ESYT1: variants seen among roughly 807,000 people sequenced by gnomAD.
ESYT1 encodes the protein extended synaptotagmin-1.
In ESYT1, 116 loss-of-function variants were observed where a neutral mutation model predicts 154.2. The observed-to-expected ratio is 0.75, with a 90% CI of 0.65 to 0.88. The LOEUF (loss-of-function observed/expected upper bound fraction) is 0.88. Ranked by LOEUF, ESYT1 falls within the 40% of genes least tolerant of loss-of-function variation. The pLI is 0.00. For missense variants in ESYT1, 1,264 were observed against 1,379.3 expected, an observed-to-expected ratio of 0.92 and a Z score of 1.32; for synonymous variants, 500 against 539.9, an observed-to-expected ratio of 0.93 and a Z score of 1.02.
chr12:56,139,062 A>C (rs770417140), intron 24 of ESYT1, 49 bp downstream of exon 24: 1 of 1,445,124 alleles, frequency 6.9e-7, no homozygotes, highest in East Asian at 2.3e-5. Flanking sequence ...TGCCATGGCC[A>C]GGCAGGAAAC....
chr12:56,140,410 G>A (rs991132877), intron 24 of ESYT1, among the ~76,000 whole-genome samples: 1 of 152,136 alleles, frequency 6.6e-6, no homozygotes, highest in East Asian at 1.9e-4. Context: ...CTGTTGCCCA[G>A]GCTGGAGTAC....
intron 7 of ESYT1, 92 bp downstream of exon 7, chr12:56,131,896 CT>C: frequency 7.7e-7 from 1 of 1,290,864 alleles, no homozygotes; most frequent in South Asian, 1.2e-5. Context: ...TGCTTGTGTC[CT>C]CTAGGAGCCT....
chr12:56,142,516 C>G lies in ESYT1; in HGVS notation c.2734-62C>G. On this transcript the variant is annotated intron_variant, in intron 25 of 30. Coordinates refer to ENST00000394048, the MANE Select transcript of ESYT1 (RefSeq NM_015292.3). The surrounding 1 kb of genome is among the most constrained non-coding windows in gnomAD (Gnocchi z 4.1). ...ACCCAGGAGGGTGGGAACAGAGGGC[C>G]GTGTCCTTAGAGTGAGGGAACTGAG... 6.2e-7 allele frequency: 1 copy of G among 1,611,324 alleles called. No homozygotes were observed.
At position 56,141,734 on chromosome 12, in the gene ESYT1, C is replaced by A. The variant is rs564681373; in HGVS notation, c.2593-551C>A. Among the ~76,000 whole-genome samples, 7 of 151,296 alleles carry A rather than the reference C, an allele frequency of 4.6e-5. No individual in the cohort carries two copies. In the East Asian group the frequency reaches 9.7e-4, roughly 21 times the overall value. On this transcript the variant is annotated intron_variant, in intron 24 of 30. Coordinates refer to ENST00000394048, the MANE Select transcript of ESYT1 (RefSeq NM_015292.3). ...CAGCCTGGGCAACAGAGCGAGACTC[C>A]GTCTCAAAAATAATAATAATAATTT...
Position 56,134,033 on chromosome 12 carries a change from A to G in ESYT1, c.1474-77A>G, listed in dbSNP as rs111415726. The G allele has an allele frequency of 4.4e-6, 7 of 1,582,024 alleles. No individual in the cohort carries two copies. The South Asian group carries it at 7.8e-5, about 18-fold the overall frequency. ...GATCCATCTCAGGGAAAGGATTCTG[A>G]TGCGATCCCACCTTCCTTCACCAAA... is the stretch of plus-strand genomic sequence containing the variant. On this transcript the variant is annotated intron_variant, in intron 13 of 30. Transcript: ENST00000394048.
At chr12:56,141,007 C>A (rs1870664422) in intron 24 of ESYT1, among the ~76,000 whole-genome samples, 1 of 152,150 alleles carries the variant, frequency 6.6e-6, no homozygotes, top group Non-Finnish European at 1.5e-5. Flanking sequence ...AGAAGACATG[C>A]AGAAAACAAA....
At chr12:56,134,550 C>T (rs1870371150) in intron 15 of ESYT1, 122 bp downstream of exon 15, 2 of 797,304 alleles carry the variant, frequency 2.5e-6, no homozygotes, top group Non-Finnish European at 4.4e-6. Flanking sequence ...CTAGACTCCC[C>T]ACCTCCCTGA....
At position 56,132,650 on chromosome 12, in the gene ESYT1, A is replaced by C. The variant is rs1490801136; in HGVS notation, c.1161+53A>C. The C allele has an allele frequency of 1.9e-6, 3 of 1,613,714 alleles. No homozygotes were observed. The African/African-American group carries it at 4.0e-5, about 22-fold the overall frequency. Reference sequence around the variant, plus strand: ...TGGGGAAGCCCCAGGAGGTTGTGAGAGAAGATGCTGATTGGATGATCCTCA... The same window carrying C: ...TGGGGAAGCCCCAGGAGGTTGTGAGCGAAGATGCTGATTGGATGATCCTCA... On this transcript the variant is annotated intron_variant, in intron 9 of 30. Transcript: ENST00000394048.
intron 22 of ESYT1, 60 bp downstream of exon 22, chr12:56,138,559 T>C: frequency 6.7e-7 from 1 of 1,482,332 alleles, no homozygotes; most frequent in Non-Finnish European, 9.2e-7. Context: ...TTCCTCCGGT[T>C]TGGATGGTCC....
intron 19 of ESYT1, 49 bp from the exon 20 acceptor site, chr12:56,137,977 T>G (rs1870533469): frequency 6.2e-7 from 1 of 1,613,576 alleles, no homozygotes; most frequent in Non-Finnish European, 8.5e-7. Context: ...GAGTCTGGCC[T>G]CCTTGGTTCT....
chr12:56,128,538 A>G lies in ESYT1; in HGVS notation c.219A>G (p.Ala73=). 6.2e-7 allele frequency: 1 copy of G among 1,613,210 alleles called. No homozygotes were observed. The highest frequency in any genetic ancestry group is 2.2e-5 in the East Asian group (1 of 44,886). The change falls in exon 1 of 31, where the codon GCA becomes GCG. Residue 73 remains alanine (A), a synonymous_variant. Transcript: ENST00000394048. ...TGATACCTGTGTATTTGGCCGGGGC[A>G]GTGGGACTCAGCGTGGGTTTCGTGC... The part of the protein sequence containing the change: ...LVLIPVYLAG[A]VGLSVGFVLF...
At chr12:56,133,736 A>T in intron 12 of ESYT1, 45 bp from the exon 13 acceptor site, 1 of 1,612,534 alleles carries the variant, frequency 6.2e-7, no homozygotes, top group Non-Finnish European at 8.5e-7. Flanking sequence ...AGTGTAGGGG[A>T]CTTGGAACGG....
At chr12:56,134,950 T>C (rs1468298326) in intron 15 of ESYT1, among the ~76,000 whole-genome samples, 3 of 152,112 alleles carry the variant, frequency 2.0e-5, no homozygotes, top group Non-Finnish European at 4.4e-5. Context: ...GTGTCTTGTC[T>C]ATGAAACTGG....
At position 56,128,521 on chromosome 12, in the gene ESYT1, GTGTA is replaced by G. The variant is rs1185376213; in HGVS notation, c.204_207del (p.Tyr69TrpfsTer53). The G allele has an allele frequency of 2.5e-6, 4 of 1,612,684 alleles. No individual in the cohort carries two copies. The highest frequency in any genetic ancestry group is 8.5e-7 in the Non-Finnish European group (1 of 1,179,400). On this transcript the variant is annotated frameshift_variant, in exon 1 of 31. Transcript: ENST00000394048. LOFTEE classifies it high-confidence loss of function. ...GAGGCGGTTGCTGGTGCTGATACCT[GTGTA>G]TTTGGCCGGGGCAGTGGGACTCAGC...
At position 56,131,034 on chromosome 12, in the gene ESYT1, C is replaced by T. The variant is rs747904918; in HGVS notation, c.568-6C>T. ...TGCCCTCTCTCAGGAATTTCTCTCT[C>T]CCTAGCCATTGCGCATCATTGGAGT... On this transcript the variant is annotated splice_polypyrimidine_tract_variant and splice_region_variant and intron_variant, in intron 3 of 30. Coordinates refer to ENST00000394048, the MANE Select transcript of ESYT1 (RefSeq NM_015292.3). 6.8e-6 allele frequency: 11 copies of T among 1,614,192 alleles called. No individual in the cohort carries two copies. Among genetic ancestry groups the T allele is most frequent in the Non-Finnish European group, 9.3e-6 (11 of 1,180,034 alleles).
chr12:56,141,317 G>C (rs943512149), intron 24 of ESYT1, among the ~76,000 whole-genome samples: 40 of 152,348 alleles, frequency 2.6e-4, no homozygotes, highest in African/African-American at 9.6e-4. Flanking sequence ...TGAGAACAAA[G>C]AAAACAGGAG....
chr12:56,139,143 C>A (rs1050980602), intron 24 of ESYT1, 130 bp downstream of exon 24: 2 of 682,484 alleles, frequency 2.9e-6, no homozygotes, highest in Admixed American at 5.1e-5. Context: ...GAGTCTTGCT[C>A]TGTCGCCCAG....
intron 15 of ESYT1, 112 bp from the exon 16 acceptor site, chr12:56,136,632 A>C: frequency 5.7e-5 from 27 of 472,914 alleles, no homozygotes; most frequent in Middle Eastern, 7.2e-4. Context: ...GTGGAGCAGG[A>C]GGTTTGTGAT....
chr12:56,129,913 G>C lies in ESYT1; in HGVS notation c.391-669G>C, dbSNP rs1048848021. Among the ~76,000 whole-genome samples, 7 of 145,052 alleles carry C rather than the reference G, an allele frequency of 4.8e-5. 1 individual carries two copies. The highest frequency in any genetic ancestry group is 2.0e-4 in the Admixed American group (3 of 15,006). ...GAGGGGAGTTGAGAAGGCTGGAAAA[G>C]GGGACTTTTTTTTTTTTCTTTTTTG... On this transcript the variant is annotated intron_variant, in intron 1 of 30. Coordinates refer to ENST00000394048, the MANE Select transcript of ESYT1 (RefSeq NM_015292.3).
Sources: gnomAD v4.1 joint callset for allele counts (sites outside exome capture counted in the v4.1 genomes callset) on GRCh38, gnomAD v4.1.1 for gene constraint, Gnocchi (gnomAD v3.1) non-coding constraint, MANE v1.5 for transcripts, NCBI Gene and HGNC (gene_info 2026-07-23, HGNC 2026-07-21) for gene names.